Variants in KMT2C observed in about 807,000 individuals in gnomAD.
The protein encoded by KMT2C is histone-lysine N-methyltransferase 2C.
KMT2C carries 88 observed loss-of-function variants against 507.9 expected under a neutral mutation model. The ratio of observed to expected loss-of-function variants is 0.17; its 90% CI spans 0.15 to 0.21. KMT2C has a LOEUF of 0.21. Ranked by LOEUF, KMT2C falls within the 10% of genes least tolerant of loss-of-function variation. The pLI is 1.00. For synonymous variants in KMT2C, 2,049 were observed against 2,080.8 expected, an observed-to-expected ratio of 0.98 and a Z score of 0.42; for missense variants, 4,954 against 5,957.8, an observed-to-expected ratio of 0.83 and a Z score of 5.55.
At chr7:152,224,672 T>C (rs982512469) in intron 18 of KMT2C, 56 bp from the exon 19 acceptor site, 4 of 869,694 alleles carry the variant, frequency 4.6e-6, no homozygotes, top group Admixed American at 2.3e-5. Flanking sequence ...CATAATCAAA[T>C]ATACTATATA....
intron 26 of KMT2C, among the ~76,000 whole-genome samples, chr7:152,201,073 A>G (rs1342514223): frequency 6.6e-6 from 1 of 152,198 alleles, no homozygotes; most frequent in African/African-American, 2.4e-5. Context: ...TAATGCCTTC[A>G]GTATAAATCT....
At chr7:152,407,847 TA>T in intron 1 of KMT2C, among the ~76,000 whole-genome samples, 1 of 152,384 alleles carries the variant, frequency 6.6e-6, no homozygotes, top group South Asian at 2.1e-4. Flanking sequence ...TATGACACTT[TA>T]TATTAGAAGC....
At chr7:152,329,554 A>G (rs543198261) in intron 3 of KMT2C, among the ~76,000 whole-genome samples, 1 of 151,640 alleles carries the variant, frequency 6.6e-6, no homozygotes, top group Non-Finnish European at 1.5e-5. Context: ...TGGGCAACAG[A>G]GTAAGACCTT....
chr7:152,416,254 G>A (rs2097734304), intron 1 of KMT2C, among the ~76,000 whole-genome samples: 1 of 152,044 alleles, frequency 6.6e-6, no homozygotes, highest in African/African-American at 2.4e-5. Flanking sequence ...ACAAAAATTA[G>A]TCAGGCGTAG....
intron 2 of KMT2C, among the ~76,000 whole-genome samples, chr7:152,332,023 T>C (rs989985073): frequency 2.6e-5 from 4 of 152,144 alleles, no homozygotes; most frequent in Admixed American, 2.6e-4. Context: ...TCATTAAAAA[T>C]TGCTTCACAC....
At chr7:152,220,448 T>A (rs1315018661) in intron 23 of KMT2C, 75 bp downstream of exon 23, 39 of 1,150,072 alleles carry the variant, frequency 3.4e-5, no homozygotes, top group Non-Finnish European at 1.8e-5. Flanking sequence ...TGGTAAATCA[T>A]ACACATATTT....
chr7:152,218,092 C>A (rs143929660), intron 23 of KMT2C, among the ~76,000 whole-genome samples: 326 of 152,318 alleles, frequency 2.1e-3, no homozygotes, highest in African/African-American at 7.6e-3. Context: ...GAAAGTGTTT[C>A]TCCCAGTAAC....
At chr7:152,232,740 C>T (rs939530493) in intron 16 of KMT2C, among the ~76,000 whole-genome samples, 1 of 151,748 alleles carries the variant, frequency 6.6e-6, no homozygotes, top group African/African-American at 2.4e-5. Context: ...GAGAATCATC[C>T]AAGATGATTC....
At chr7:152,369,343 A>T (rs2097274285) in intron 1 of KMT2C, among the ~76,000 whole-genome samples, 1 of 152,170 alleles carries the variant, frequency 6.6e-6, no homozygotes, top group African/African-American at 2.4e-5. Flanking sequence ...AAAAACAAAA[A>T]AAAAAACAAG....
chr7:152,299,080 G>A (rs2096541670), intron 6 of KMT2C, among the ~76,000 whole-genome samples: 1 of 152,194 alleles, frequency 6.6e-6, no homozygotes, highest in Non-Finnish European at 1.5e-5. Flanking sequence ...AGCACTTTGG[G>A]AGGCCAAGGT....
At chr7:152,381,984 T>C (rs1412697052) in intron 1 of KMT2C, among the ~76,000 whole-genome samples, 1 of 152,208 alleles carries the variant, frequency 6.6e-6, no homozygotes, top group Non-Finnish European at 1.5e-5. Flanking sequence ...CCCTACCCAT[T>C]AATACTGTAT....
intron 42 of KMT2C, among the ~76,000 whole-genome samples, chr7:152,164,528 A>C (rs2092641706): frequency 6.6e-6 from 1 of 151,966 alleles, no homozygotes; most frequent in African/African-American, 2.4e-5. Flanking sequence ...TGACCTCGTG[A>C]TCCGCCCGCC....
chr7:152,356,419 T>C (rs1005806492), intron 2 of KMT2C, among the ~76,000 whole-genome samples: 2 of 151,512 alleles, frequency 1.3e-5, no homozygotes, highest in Admixed American at 6.6e-5. Context: ...CTACTAAAAA[T>C]ACAAAAATTA....
At chr7:152,390,990 C>T (rs2097489332) in intron 1 of KMT2C, among the ~76,000 whole-genome samples, 1 of 151,386 alleles carries the variant, frequency 6.6e-6, no homozygotes, top group Non-Finnish European at 1.5e-5. Context: ...ACTAAAACTA[C>T]AAAAATTAGC....
At chr7:152,230,645 C>G (rs541959030) in intron 16 of KMT2C, among the ~76,000 whole-genome samples, 56 of 152,284 alleles carry the variant, frequency 3.7e-4, no homozygotes, top group Non-Finnish European at 7.6e-4. Context: ...CCACACAAAT[C>G]TATCACTATT....
At chr7:152,417,424 G>A (rs116242339) in intron 1 of KMT2C, among the ~76,000 whole-genome samples, 1,848 of 151,706 alleles carry the variant, frequency 0.012, 43 homozygotes, top group African/African-American at 0.043. Flanking sequence ...GGCCTCTAGC[G>A]GCTTTCTTAA....
chr7:152,153,021 C>A (rs1193064161), intron 48 of KMT2C, 67 bp from the exon 49 acceptor site: 1 of 1,563,324 alleles, frequency 6.4e-7, no homozygotes, highest in South Asian at 1.1e-5. Flanking sequence ...AAGAAAAATA[C>A]ACACTTAGGA....
chr7:152,174,310 A>T (rs189464845), intron 38 of KMT2C, 68 bp from the exon 39 acceptor site: 44 of 738,704 alleles, frequency 6.0e-5, no homozygotes, highest in Non-Finnish European at 9.5e-5. Flanking sequence ...AAGTAATTCA[A>T]ATATTACAAG....
chr7:152,368,335 G>A, intron 1 of KMT2C: 2 of 1,200,790 alleles, frequency 1.7e-6, no homozygotes, highest in Non-Finnish European at 2.4e-6. Flanking sequence ...CAAGAATAAA[G>A]GGCAGCTGAC....
Sources: gnomAD v4.1 joint callset for allele counts (sites outside exome capture counted in the v4.1 genomes callset) on GRCh38, gnomAD v4.1.1 for gene constraint, MANE v1.5 for transcripts, NCBI Gene and HGNC (gene_info 2026-07-23, HGNC 2026-07-21) for gene names.